Variants in PAFAH2 observed in about 807,000 individuals in gnomAD.
PAFAH2 encodes platelet activating factor acetylhydrolase 2.
In PAFAH2, 42 loss-of-function variants were observed where a neutral mutation model predicts 49.0. The ratio of observed to expected loss-of-function variants is 0.86; its 90% CI spans 0.67 to 1.11. The LOEUF (loss-of-function observed/expected upper bound fraction) is 1.11. Among genes scored for constraint, PAFAH2 ranks in the 50% least tolerant of loss-of-function variants. The probability of loss-of-function intolerance (pLI) is 0.00; values close to 1 mark genes in which losing one functional copy is unlikely to be tolerated. For synonymous variants in PAFAH2, 184 were observed against 181.3 expected (o/e 1.01, Z -0.12); for missense variants, 503 against 501.8 (o/e 1.00, Z -0.02).
At chr1:25,966,858 C>T (rs1490447368) in intron 10 of PAFAH2, among the ~76,000 whole-genome samples, 1 of 151,956 alleles carries the variant, frequency 6.6e-6, no homozygotes, top group Non-Finnish European at 1.5e-5. Context: ...GGCGAAACTC[C>T]ATCTCTACTA....
chr1:25,965,815 CT>C (rs1293806254), intron 10 of PAFAH2, among the ~76,000 whole-genome samples: 2 of 31,184 alleles, frequency 6.4e-5, no homozygotes, highest in African/African-American at 1.4e-4. Flanking sequence ...AAGACTTTGT[CT>C]CAAAAAAAAA....
At chr1:25,981,568 G>A (rs759160102) in intron 7 of PAFAH2, among the ~76,000 whole-genome samples, 8 of 152,122 alleles carry the variant, frequency 5.3e-5, no homozygotes, top group Non-Finnish European at 1.0e-4. Flanking sequence ...CCTGTGGGTG[G>A]TCAATCACCT....
At chr1:25,966,387 A>T (rs1204238666) in intron 10 of PAFAH2, among the ~76,000 whole-genome samples, 1 of 152,218 alleles carries the variant, frequency 6.6e-6, no homozygotes, top group Admixed American at 6.5e-5. Flanking sequence ...TCAACAGAAG[A>T]TCTGATAAAG....
At chr1:25,984,414 T>A in intron 5 of PAFAH2, 46 bp downstream of exon 5, 1 of 1,402,578 alleles carries the variant, frequency 7.1e-7, no homozygotes, top group Non-Finnish European at 1.0e-6. Flanking sequence ...CTAGCCTATA[T>A]CCTAGCTCAC....
intron 7 of PAFAH2, among the ~76,000 whole-genome samples, chr1:25,980,124 G>C (rs2049660250): frequency 6.6e-6 from 1 of 152,192 alleles, no homozygotes; most frequent in African/African-American, 2.4e-5. Flanking sequence ...AGAAGGTTTG[G>C]GGCACACAGC....
At chr1:25,990,524 T>C (rs2049856692) in intron 2 of PAFAH2, among the ~76,000 whole-genome samples, 1 of 152,150 alleles carries the variant, frequency 6.6e-6, no homozygotes, top group African/African-American at 2.4e-5. Context: ...GAACGCATTA[T>C]CTCTGTCTAT....
chr1:25,985,040 G>A (rs1238367032), intron 4 of PAFAH2, among the ~76,000 whole-genome samples: 1 of 151,800 alleles, frequency 6.6e-6, no homozygotes, highest in Non-Finnish European at 1.5e-5. Context: ...TGTATTTTTA[G>A]TAGAGGTGGG....
At chr1:25,965,224 A>T (rs1189839175) in intron 10 of PAFAH2, among the ~76,000 whole-genome samples, 3 of 152,252 alleles carry the variant, frequency 2.0e-5, no homozygotes, top group African/African-American at 7.2e-5. Flanking sequence ...AAGAAGAATG[A>T]AACAGGACCC....
intron 4 of PAFAH2, 130 bp from the exon 5 acceptor site, chr1:25,984,658 C>A: frequency 1.5e-6 from 1 of 653,358 alleles, no homozygotes. Context: ...CTACCTCTGG[C>A]TTCCTTTCAC....
chr1:25,992,462 T>C (rs1002499747), intron 1 of PAFAH2, among the ~76,000 whole-genome samples: 4 of 152,202 alleles, frequency 2.6e-5, no homozygotes, highest in African/African-American at 9.6e-5. Context: ...CCTAAACTGG[T>C]GCCAGTGCTC....
intron 10 of PAFAH2, among the ~76,000 whole-genome samples, chr1:25,965,987 A>T (rs1227734213): frequency 9.2e-5 from 14 of 152,042 alleles, no homozygotes; most frequent in Non-Finnish European, 1.5e-5. Flanking sequence ...TCAAAAGAAG[A>T]CATACAAGTG....
In PAFAH2 at chr1:25,965,862, A is replaced by G. The variant is rs1328401126; in HGVS notation, c.1085-3779T>C. Among the ~76,000 whole-genome samples, 5 of 112,688 alleles carry G rather than the reference A, an allele frequency of 4.4e-5. No individual in the cohort carries two copies. The Admixed American group carries it at 5.3e-4, about 12-fold the overall frequency. The allele number at this position is 112,688 out of a possible 152,430, so 73.9% of individuals were successfully genotyped here. ...AAAAAAAAGAATCTACAAGGAACTCAAACAACTCAACAAGAAAAAAAAAAA... is the reference window on the plus strand; with the variant it reads ...AAAAAAAAGAATCTACAAGGAACTCGAACAACTCAACAAGAAAAAAAAAAA... On this transcript the variant is annotated intron_variant, in intron 10 of 10. Coordinates refer to ENST00000374282, the MANE Select transcript of PAFAH2 (RefSeq NM_000437.4).
chr1:25,973,085 C>G (rs1245702835), intron 9 of PAFAH2, among the ~76,000 whole-genome samples: 1 of 152,212 alleles, frequency 6.6e-6, no homozygotes, highest in Non-Finnish European at 1.5e-5. Flanking sequence ...AATCTATTAG[C>G]TGTGGCTTTT....
At chr1:25,973,613 A>G (rs932352316) in intron 9 of PAFAH2, among the ~76,000 whole-genome samples, 5 of 152,106 alleles carry the variant, frequency 3.3e-5, no homozygotes, top group African/African-American at 1.2e-4. Flanking sequence ...CATGAAACCT[A>G]ACTGAACGAG....
rs760831207 is a variant in PAFAH2 at position 25,974,481 on chromosome 1, G to A, written c.928C>T (p.Leu310Phe). 3.1e-6 allele frequency: 5 copies of A among 1,602,248 alleles called. No homozygotes were observed. In the Admixed American group the frequency reaches 8.5e-5, roughly 27 times the overall value. The change falls in exon 9 of 11, where the codon CTT becomes TTT. Residue 310 changes from leucine (L) to phenylalanine (F), a missense_variant and splice_region_variant. Coordinates refer to ENST00000374282, the MANE Select transcript of PAFAH2 (RefSeq NM_000437.4). ...ATCACGACCTTGTGGTTTACTCACA[G>A]AACGGTTATGATCCTAGACTGTTCA... ...QHEQSRIITV[L>F]GSVHRSQTDF...
rs537083851 is a variant in PAFAH2 at position 25,961,068 on chromosome 1, A to C, written c.*921T>G. On this transcript the variant is annotated 3_prime_UTR_variant, in exon 11 of 11. Coordinates refer to ENST00000374282, the MANE Select transcript of PAFAH2 (RefSeq NM_000437.4). ...TGATCTGCCTGCCTTGGCCTCCCAAAGTGTTGGGATTACAGGCATGAGCCA... is the reference window on the plus strand; with the variant it reads ...TGATCTGCCTGCCTTGGCCTCCCAACGTGTTGGGATTACAGGCATGAGCCA... 2.0e-5 allele frequency: 3 copies of C among 152,332 alleles called. No individual in the cohort carries two copies. In the East Asian group the frequency reaches 5.8e-4, roughly 29 times the overall value. The allele number at this position is 152,332 out of a possible 1,614,324, so 9.4% of individuals were successfully genotyped here. A position where few individuals can be genotyped will look rare whatever the true frequency, so the allele number is the denominator to read the frequency against.
chr1:25,965,314 G>A (rs1052547414), intron 10 of PAFAH2, among the ~76,000 whole-genome samples: 1 of 152,090 alleles, frequency 6.6e-6, no homozygotes, highest in Non-Finnish European at 1.5e-5. Flanking sequence ...AAAAATCCTA[G>A]AAGAAAAACT....
intron 7 of PAFAH2, among the ~76,000 whole-genome samples, chr1:25,978,408 C>T (rs963501190): frequency 8.5e-5 from 13 of 152,108 alleles, no homozygotes; most frequent in African/African-American, 2.2e-4. Context: ...ATACACCTGG[C>T]GCTGTATATT....
At chr1:25,991,031 G>A in intron 1 of PAFAH2, 168 bp from the exon 2 acceptor site, 1 of 506,182 alleles carries the variant, frequency 2.0e-6, no homozygotes, top group South Asian at 2.5e-5. Flanking sequence ...CTTTGCCAAG[G>A]TTGGGGGTTG....
Sources: allele counts gnomAD v4.1 joint callset (sites outside exome capture counted in the v4.1 genomes callset), GRCh38; gene constraint gnomAD v4.1.1; transcripts MANE v1.5; gene names NCBI Gene and HGNC (gene_info 2026-07-23, HGNC 2026-07-21).